Variants in TSPAN15 observed in about 807,000 individuals in gnomAD.
TSPAN15 encodes the protein tetraspanin 15, also known as tetraspanin-15.
Under a neutral mutation model 34.5 loss-of-function variants are expected in TSPAN15, and 20 were observed. The ratio of observed to expected loss-of-function variants is 0.58; its 90% confidence interval spans 0.41 to 0.84. The LOEUF (loss-of-function observed/expected upper bound fraction) is 0.84, where lower values mean the gene tolerates loss of function less well. Ranked by LOEUF, TSPAN15 falls within the 40% of genes least tolerant of loss-of-function variation. TSPAN15 has a pLI of 0.00. For synonymous variants in TSPAN15, 155 were observed against 153.9 expected (o/e 1.01, Z -0.05); for missense variants, 313 against 386.1 (o/e 0.81, Z 1.59).
At chr10:69,458,212 G>A (rs865822934) in intron 1 of TSPAN15, among the ~76,000 whole-genome samples, 1 of 152,212 alleles carries the variant, frequency 6.6e-6, no homozygotes, top group Non-Finnish European at 1.5e-5. Flanking sequence ...GAAGCACTAG[G>A]TGAAGCCAGG....
chr10:69,471,228 C>T (rs1401596841), intron 1 of TSPAN15, among the ~76,000 whole-genome samples: 1 of 151,760 alleles, frequency 6.6e-6, no homozygotes, highest in Non-Finnish European at 1.5e-5. Flanking sequence ...TAGTAGCTCC[C>T]AAAGTGGGTC....
chr10:69,534,980 G>C, the TSPAN15 span, among the ~76,000 whole-genome samples: 1 of 152,050 alleles, frequency 6.6e-6, no homozygotes, highest in Admixed American at 6.6e-5. Context: ...GTGAGATTCT[G>C]TCTCAAAAAA....
chr10:69,486,163 G>A (rs530215136), intron 3 of TSPAN15, among the ~76,000 whole-genome samples: 1 of 152,344 alleles, frequency 6.6e-6, no homozygotes, highest in South Asian at 2.1e-4. Flanking sequence ...GGCACATAGT[G>A]GTCAAGGCCC....
chr10:69,508,012 C>T (rs1198761024), downstream of TSPAN15, among the ~76,000 whole-genome samples: 3 of 152,152 alleles, frequency 2.0e-5, no homozygotes, highest in Admixed American at 2.0e-4. Flanking sequence ...TGCCGCGCAA[C>T]GCATGCAGAG....
Position 69,467,502 on chromosome 10 carries a change from T to C in TSPAN15, c.96+15812T>C, listed in dbSNP as rs370787582. Among the ~76,000 whole-genome samples, 41 of 152,222 alleles carry C rather than the reference T, an allele frequency of 2.7e-4. No individual in the cohort carries two copies. In the East Asian group the frequency reaches 3.9e-3, roughly 14 times the overall value. On this transcript the variant is annotated intron_variant, in intron 1 of 7. Coordinates refer to ENST00000373290, the MANE Select transcript of TSPAN15 (RefSeq NM_012339.5). Reference sequence around the variant, plus strand: ...GGTGGCATGTGCCTGCAGTCCCAGCTACTTGGGAGGCTGAGGCAGGAGGAT... The same window carrying C: ...GGTGGCATGTGCCTGCAGTCCCAGCCACTTGGGAGGCTGAGGCAGGAGGAT...
chr10:69,545,013 T>A, the TSPAN15 span, among the ~76,000 whole-genome samples: 1 of 151,836 alleles, frequency 6.6e-6, no homozygotes, highest in East Asian at 1.9e-4. Flanking sequence ...CAAATGGGAG[T>A]CTCCTGAGGC....
At chr10:69,452,611 A>G (rs1840998381) in intron 1 of TSPAN15, among the ~76,000 whole-genome samples, 1 of 152,202 alleles carries the variant, frequency 6.6e-6, no homozygotes, top group East Asian at 1.9e-4. Flanking sequence ...AGACATTATT[A>G]CTATCGTGGG....
Position 69,507,413 on chromosome 10 carries a change from GAGCTGTCCATGC to G in TSPAN15, c.*439_*450del. 1 of 1,254,942 alleles carries G rather than the reference GAGCTGTCCATGC, an allele frequency of 8.0e-7. No homozygotes were observed. Among genetic ancestry groups the G allele is most frequent in the Non-Finnish European group, 1.0e-6 (1 of 972,138 alleles). The allele number at this position is 1,254,942 out of a possible 1,614,324, so 77.7% of individuals were successfully genotyped here. On this transcript the variant is annotated 3_prime_UTR_variant, in exon 8 of 8. Coordinates refer to ENST00000373290, the MANE Select transcript of TSPAN15 (RefSeq NM_012339.5). ...GCATCTGGGGAAGGGCAGGAGGGAA[GAGCTGTCCATGC>G]AGCCACGCCCATGGCCAGGTTGGCC...
At chr10:69,463,945 G>C (rs909650062) in intron 1 of TSPAN15, among the ~76,000 whole-genome samples, 4 of 152,220 alleles carry the variant, frequency 2.6e-5, no homozygotes, top group Non-Finnish European at 5.9e-5. Context: ...GATGACCTGA[G>C]TGTGCCATAA....
At chr10:69,455,569 TTC>T (rs1479954654) in intron 1 of TSPAN15, among the ~76,000 whole-genome samples, 1 of 118,210 alleles carries the variant, frequency 8.5e-6, no homozygotes, top group Non-Finnish European at 1.8e-5. Flanking sequence ...CTTTCTTTCT[TTC>T]TCTTTTCTTT....
rs1055919726 is a variant in TSPAN15, at chr10:69,504,246, G to T, written c.571-192G>T. Among the ~76,000 whole-genome samples, 4 of 152,078 alleles carry T rather than the reference G, an allele frequency of 2.6e-5. No homozygotes were observed. In the East Asian group the frequency reaches 7.7e-4, roughly 29 times the overall value. On this transcript the variant is annotated intron_variant, in intron 5 of 7. Transcript: ENST00000373290. ...CCTGCATTCCTACAGTTTTTTCACG[G>T]GGCATTTCTTGGAGGAGGAGGTGGT...
chr10:69,452,231 C>T (rs1462789596), intron 1 of TSPAN15, among the ~76,000 whole-genome samples: 1 of 152,232 alleles, frequency 6.6e-6, no homozygotes. Flanking sequence ...CAGACGACGT[C>T]TCCTGCACAC....
rs1255111093 is a variant in TSPAN15 at position 69,451,546 on chromosome 10, G to A, written c.-49G>A. The A allele has an allele frequency of 1.5e-6, 2 of 1,345,306 alleles. No homozygotes were observed. The highest frequency in any genetic ancestry group is 1.9e-6 in the Non-Finnish European group (2 of 1,046,342). The allele number at this position is 1,345,306 out of a possible 1,614,324, so 83.3% of individuals were successfully genotyped here. The stretch of plus-strand genomic sequence containing the variant: ...GGCCACGAGCGCTGGCTGAGGGACC[G>A]AGCCGGAGAGCCCCGGAGCCCCCGT... On this transcript the variant is annotated 5_prime_UTR_variant, in exon 1 of 8. Coordinates refer to ENST00000373290, the MANE Select transcript of TSPAN15 (RefSeq NM_012339.5).
At chr10:69,466,542 C>G (rs925848289) in intron 1 of TSPAN15, among the ~76,000 whole-genome samples, 4 of 110,098 alleles carry the variant, frequency 3.6e-5, no homozygotes, top group African/African-American at 1.4e-4. Flanking sequence ...TAGGTCAGGA[C>G]CGTATTTACT....
At chr10:69,462,582 G>A (rs1183979405) in intron 1 of TSPAN15, among the ~76,000 whole-genome samples, 5 of 152,186 alleles carry the variant, frequency 3.3e-5, no homozygotes, top group East Asian at 3.9e-4. Flanking sequence ...TGATCCGCCC[G>A]CCTCGGCCTC....
chr10:69,459,582 G>C (rs1360047410), intron 1 of TSPAN15, among the ~76,000 whole-genome samples: 7 of 152,180 alleles, frequency 4.6e-5, no homozygotes. Context: ...CCCTGAGGCA[G>C]GTCGCAAGCA....
intron 1 of TSPAN15, among the ~76,000 whole-genome samples, chr10:69,472,940 G>A (rs1841536507): frequency 6.6e-6 from 1 of 152,192 alleles, no homozygotes; most frequent in South Asian, 2.1e-4. Context: ...CTGTGAAGTT[G>A]TTGAGGGCAA....
chr10:69,470,620 C>T (rs1006425509), intron 1 of TSPAN15, among the ~76,000 whole-genome samples: 1 of 152,146 alleles, frequency 6.6e-6, no homozygotes, highest in Non-Finnish European at 1.5e-5. Flanking sequence ...AAGATCACAG[C>T]CAGGCATGGT....
chr10:69,471,820 T>C, intron 1 of TSPAN15, among the ~76,000 whole-genome samples: 1 of 152,170 alleles, frequency 6.6e-6, no homozygotes, highest in East Asian at 1.9e-4. Flanking sequence ...CTCAAACTTC[T>C]GGACTCAAGT....
Sources: allele counts gnomAD v4.1 joint callset (sites outside exome capture counted in the v4.1 genomes callset), GRCh38; gene constraint gnomAD v4.1.1; transcripts MANE v1.5; gene names NCBI Gene and HGNC (gene_info 2026-07-23, HGNC 2026-07-21).